ATRNL1: variants seen among roughly 807,000 people sequenced by gnomAD.
ATRNL1 encodes attractin-like protein 1.
In ATRNL1, 95 loss-of-function variants were observed where a neutral mutation model predicts 182.7. The ratio of observed to expected loss-of-function variants is 0.52; its 90% CI spans 0.44 to 0.62. ATRNL1 has a LOEUF of 0.62. Among genes scored for constraint, ATRNL1 ranks in the 20% least tolerant of loss-of-function variants. The pLI is 0.00. For missense variants in ATRNL1, 1,471 were observed against 1,679.5 expected (o/e 0.88, Z 2.17); for synonymous variants, 576 against 568.3 (o/e 1.01, Z -0.19).
chr10:115,943,970 A>G (rs555920965), intron 28 of ATRNL1, among the ~76,000 whole-genome samples: 17 of 152,262 alleles, frequency 1.1e-4, no homozygotes, highest in South Asian at 4.1e-4. Context: ...ACCATACAAC[A>G]TTCTGGAAAA....
intron 28 of ATRNL1, among the ~76,000 whole-genome samples, chr10:115,915,629 C>A (rs1432310733): frequency 6.6e-6 from 1 of 152,054 alleles, no homozygotes; most frequent in Non-Finnish European, 1.5e-5. Context: ...CTTAGCTGTG[C>A]ACTTTTAAAT....
intron 19 of ATRNL1, among the ~76,000 whole-genome samples, chr10:115,389,594 C>A (rs1843914157): frequency 1.4e-5 from 1 of 72,772 alleles, no homozygotes; most frequent in African/African-American, 4.9e-5. Context: ...ATATATATTT[C>A]ATCCAATGAT....
At chr10:115,656,058 T>C (rs1555035772) in intron 26 of ATRNL1, among the ~76,000 whole-genome samples, 1 of 152,200 alleles carries the variant, frequency 6.6e-6, no homozygotes, top group African/African-American at 2.4e-5. Flanking sequence ...GATTAGCACC[T>C]CTACTCTTTG....
chr10:115,345,287 T>C (rs181044687), intron 19 of ATRNL1, among the ~76,000 whole-genome samples: 3 of 152,346 alleles, frequency 2.0e-5, no homozygotes, highest in East Asian at 1.9e-4. Context: ...ACTGCTAGGA[T>C]TGGCGATTTT....
At chr10:115,494,300 T>C (rs1240018526) in intron 24 of ATRNL1, among the ~76,000 whole-genome samples, 1 of 152,198 alleles carries the variant, frequency 6.6e-6, no homozygotes, top group Non-Finnish European at 1.5e-5. Context: ...TTTGACTTCC[T>C]CTCATCCTGT....
chr10:115,543,839 T>G (rs901629042), intron 25 of ATRNL1, among the ~76,000 whole-genome samples: 1 of 152,206 alleles, frequency 6.6e-6, no homozygotes, highest in Admixed American at 6.5e-5. Context: ...CCTAAGTTTT[T>G]ATGCTTCCCT....
chr10:115,513,035 T>G (rs1850465612), intron 24 of ATRNL1, among the ~76,000 whole-genome samples: 1 of 151,970 alleles, frequency 6.6e-6, no homozygotes, highest in African/African-American at 2.4e-5. Flanking sequence ...TATGAGATTT[T>G]TTTGCGATTT....
At chr10:115,882,978 C>T (rs1289068228) in intron 28 of ATRNL1, among the ~76,000 whole-genome samples, 3 of 152,192 alleles carry the variant, frequency 2.0e-5, no homozygotes, top group Non-Finnish European at 4.4e-5. Flanking sequence ...ATGTTCTCTG[C>T]CCATAAAGCC....
At chr10:115,683,497 G>C (rs1321504409) in intron 26 of ATRNL1, among the ~76,000 whole-genome samples, 2 of 142,596 alleles carry the variant, frequency 1.4e-5, no homozygotes, top group Non-Finnish European at 3.0e-5. Context: ...TGCTTTCTGT[G>C]TTGATAGAAA....
intron 27 of ATRNL1, among the ~76,000 whole-genome samples, chr10:115,847,133 A>T (rs1159391163): frequency 6.6e-6 from 1 of 152,086 alleles, no homozygotes; most frequent in African/African-American, 2.4e-5. Flanking sequence ...TGCCAACCTG[A>T]TCTCACATTT....
chr10:115,915,385 G>A (rs1300961813), intron 28 of ATRNL1, among the ~76,000 whole-genome samples: 7 of 150,762 alleles, frequency 4.6e-5, no homozygotes, highest in African/African-American at 1.7e-4. Context: ...GCAACAGAGC[G>A]AGACTCCATC....
At chr10:115,813,812 A>G (rs1486777522) in intron 27 of ATRNL1, among the ~76,000 whole-genome samples, 2 of 152,194 alleles carry the variant, frequency 1.3e-5, no homozygotes, top group African/African-American at 4.8e-5. Flanking sequence ...TGGTCTATTT[A>G]TAGAAAAGCT....
chr10:115,385,743 G>A (rs1473519626), intron 19 of ATRNL1, among the ~76,000 whole-genome samples: 1 of 152,150 alleles, frequency 6.6e-6, no homozygotes, highest in Non-Finnish European at 1.5e-5. Context: ...TGTGTGTAAT[G>A]TGAAGTTGTG....
At chr10:115,559,593 G>A (rs1242769439) in intron 26 of ATRNL1, among the ~76,000 whole-genome samples, 1 of 152,096 alleles carries the variant, frequency 6.6e-6, no homozygotes, top group Non-Finnish European at 1.5e-5. Flanking sequence ...CATACATATT[G>A]CCTAGATCTT....
rs973025329 is a variant in ATRNL1 at position 115,164,997 on chromosome 10, G to A, written c.1005-561G>A. 2.6e-5 allele frequency among the ~76,000 whole-genome samples: 4 copies of A among 151,920 alleles called. No homozygotes were observed. In the East Asian group the frequency reaches 7.7e-4, roughly 29 times the overall value. On this transcript the variant is annotated intron_variant, in intron 6 of 28. Coordinates refer to ENST00000355044, the MANE Select transcript of ATRNL1 (RefSeq NM_207303.4). ...AATGTTATGCTCCCAACACAAAGAA[G>A]AGATAAGTGTTTGAGGTAATAGATA...
Position 115,168,336 on chromosome 10 carries a change from A to G in ATRNL1, c.1092+2691A>G, listed in dbSNP as rs1847138804. Among the ~76,000 whole-genome samples the G allele has an allele frequency of 3.3e-5, 5 of 152,258 alleles. No homozygotes were observed. The South Asian group carries it at 1.0e-3, about 32-fold the overall frequency. On this transcript the variant is annotated intron_variant, in intron 7 of 28. Transcript: ENST00000355044. ...ACATATGTTTTCATTTCTTTTGGGT[A>G]TATACATAGGGGTGGACTTACTGGG... is the stretch of plus-strand genomic sequence containing the variant.
chr10:115,726,576 C>T (rs1194442144), intron 26 of ATRNL1, among the ~76,000 whole-genome samples: 1 of 152,176 alleles, frequency 6.6e-6, no homozygotes, highest in African/African-American at 2.4e-5. Flanking sequence ...GGGCACAGCC[C>T]AGAATAGTCA....
intron 28 of ATRNL1, among the ~76,000 whole-genome samples, chr10:115,917,479 A>G (rs1463029837): frequency 1.2e-4 from 1 of 8,038 alleles, no homozygotes; most frequent in Non-Finnish European, 1.5e-3. Flanking sequence ...CAAAAAAAAA[A>G]AAAAAAGAAA....
intron 26 of ATRNL1, among the ~76,000 whole-genome samples, chr10:115,618,351 CTTT>C (rs1857547736): frequency 6.6e-6 from 1 of 151,990 alleles, no homozygotes; most frequent in East Asian, 1.9e-4. Context: ...ATGTGGATGT[CTTT>C]ATCTTTTCCA....
Sources: allele counts gnomAD v4.1 joint callset (sites outside exome capture counted in the v4.1 genomes callset), GRCh38; gene constraint gnomAD v4.1.1; transcripts MANE v1.5; gene names NCBI Gene and HGNC (gene_info 2026-07-23, HGNC 2026-07-21).